The following IGSF21 variants were observed in gnomAD, a reference collection of about 807,000 sequenced individuals.
IGSF21 encodes the protein immunoglobulin superfamily member 21.
IGSF21 carries 28 observed loss-of-function variants against 46.8 expected under a neutral mutation model. The observed-to-expected ratio is 0.60, with a 90% confidence interval of 0.44 to 0.82. The LOEUF (loss-of-function observed/expected upper bound fraction) is 0.82. Among genes scored for constraint, IGSF21 ranks in the 40% least tolerant of loss-of-function variants. The pLI is 0.00. For synonymous variants in IGSF21, 284 were observed against 273.6 expected, an observed-to-expected ratio of 1.04 and a Z score of -0.38; for missense variants, 624 against 665.5, an observed-to-expected ratio of 0.94 and a Z score of 0.69.
At chr1:18,187,296 A>T (rs1348929212) in intron 1 of IGSF21, among the ~76,000 whole-genome samples, 1 of 152,198 alleles carries the variant, frequency 6.6e-6, no homozygotes, top group Non-Finnish European at 1.5e-5. Context: ...TCACAAAGAC[A>T]CTAATCCCAT....
intron 1 of IGSF21, among the ~76,000 whole-genome samples, chr1:18,199,261 AG>A (rs1055892251): frequency 1.6e-4 from 25 of 152,182 alleles, no homozygotes; most frequent in African/African-American, 5.8e-4. Context: ...CTCACCACCC[AG>A]GGGATGTGTT....
At chr1:18,347,364 G>A (rs554717774) in intron 4 of IGSF21, among the ~76,000 whole-genome samples, 5 of 152,174 alleles carry the variant, frequency 3.3e-5, no homozygotes, top group East Asian at 1.9e-4. Flanking sequence ...AGTGAGTGGC[G>A]CTGAGATTGG....
chr1:18,202,486 G>A (rs1303778000), intron 1 of IGSF21, among the ~76,000 whole-genome samples: 1 of 152,180 alleles, frequency 6.6e-6, no homozygotes, highest in Non-Finnish European at 1.5e-5. Context: ...TTGACTCACA[G>A]TTCCTCATGG....
In IGSF21 at chr1:18,334,973, G is replaced by T. The variant is rs749834017; in HGVS notation, c.387G>T (p.Val129=). Residue 129 remains valine, a synonymous_variant, in exon 4 of 10, where the codon GTG becomes GTT. Coordinates refer to ENST00000251296, the MANE Select transcript of IGSF21 (RefSeq NM_032880.5). The surrounding 1 kb of genome is among the most constrained non-coding windows in gnomAD (Gnocchi z 4.3). ...ACGACCGCGCCACCAGGGAGAAGGTGGTCCTGGCATCAGGCAACATCTTCC... is the reference window on the plus strand; with the variant it reads ...ACGACCGCGCCACCAGGGAGAAGGTTGTCCTGGCATCAGGCAACATCTTCC... The part of the protein sequence containing the change: ...GIYDRATREK[V]VLASGNIFLN... 1.2e-6 allele frequency: 2 copies of T among 1,614,172 alleles called. No individual in the cohort carries two copies. The highest frequency in any genetic ancestry group is 8.5e-7 in the Non-Finnish European group (1 of 1,179,990).
In IGSF21 at chr1:18,319,738, G is replaced by A. The variant is rs181508714; in HGVS notation, c.306-15154G>A. Among the ~76,000 whole-genome samples the A allele has an allele frequency of 6.0e-4, 91 of 152,188 alleles. 1 individual carries two copies. The highest frequency in any genetic ancestry group is 3.1e-4 in the Non-Finnish European group (21 of 68,008). ...CTTGTCTCCCCTTTGTCAGGACTTTGCTCCTCAGTGAAGCCTCCCTGACCT... is the reference window on the plus strand; with the variant it reads ...CTTGTCTCCCCTTTGTCAGGACTTTACTCCTCAGTGAAGCCTCCCTGACCT... On this transcript the variant is annotated intron_variant, in intron 3 of 9. Transcript: ENST00000251296.
chr1:18,311,191 T>G (rs2085485109), intron 3 of IGSF21, among the ~76,000 whole-genome samples: 1 of 152,110 alleles, frequency 6.6e-6, no homozygotes, highest in Non-Finnish European at 1.5e-5. Flanking sequence ...GTGCCCCACA[T>G]CCTGTGTGTC....
At chr1:18,158,816 T>C (rs1261003884) in intron 1 of IGSF21, among the ~76,000 whole-genome samples, 1 of 152,136 alleles carries the variant, frequency 6.6e-6, no homozygotes, top group Non-Finnish European at 1.5e-5. Flanking sequence ...TCAGGGAGGT[T>C]ATGTAGTTAG....
chr1:18,262,119 AG>A (rs569862453), intron 2 of IGSF21, among the ~76,000 whole-genome samples: 1 of 152,198 alleles, frequency 6.6e-6, no homozygotes, highest in Non-Finnish European at 1.5e-5. Flanking sequence ...GCAAACTCCC[AG>A]GTGCTACTGA....
intron 1 of IGSF21, among the ~76,000 whole-genome samples, chr1:18,139,594 G>T (rs891696709): frequency 2.6e-5 from 4 of 152,234 alleles, no homozygotes; most frequent in African/African-American, 9.6e-5. Flanking sequence ...TGGCTCAGTG[G>T]TTATGGTCAA....
At chr1:18,189,438 G>T (rs1021178090) in intron 1 of IGSF21, among the ~76,000 whole-genome samples, 1 of 152,114 alleles carries the variant, frequency 6.6e-6, no homozygotes, top group Non-Finnish European at 1.5e-5. Context: ...GGGCAGGGGC[G>T]AAGGTTTCAG....
At chr1:18,189,973 G>C (rs1315600971) in intron 1 of IGSF21, among the ~76,000 whole-genome samples, 1 of 152,200 alleles carries the variant, frequency 6.6e-6, no homozygotes, top group Admixed American at 6.5e-5. Flanking sequence ...GCAGGGGTGA[G>C]AAGTGGGGGC....
intron 1 of IGSF21, among the ~76,000 whole-genome samples, chr1:18,153,437 G>A (rs1225925720): frequency 6.6e-6 from 1 of 152,160 alleles, no homozygotes; most frequent in Non-Finnish European, 1.5e-5. Context: ...TAGCCCCAGG[G>A]AACTCAAAAG....
Position 18,365,276 on chromosome 1 carries a change from A to G in IGSF21, c.594A>G (p.Pro198=). Reference sequence around the variant, plus strand: ...TCGACGCAGTGCCCCTATCAGAGCCACCAGCTGCGAGCTCCGGCCCCCTAC... The same window carrying G: ...TCGACGCAGTGCCCCTATCAGAGCCGCCAGCTGCGAGCTCCGGCCCCCTAC... ...EPIDAVPLSE[P]PAASSGPLQD... is the part of the protein sequence containing the mutation. Residue 198 remains proline, a synonymous_variant, in exon 6 of 10, where the codon CCA becomes CCG. Transcript: ENST00000251296. This position sits in a 1 kb window ranked among gnomAD's most constrained non-coding sequence, Gnocchi z 4.8. The G allele has an allele frequency of 6.2e-7, 1 of 1,613,736 alleles. No individual in the cohort carries two copies. The highest frequency in any genetic ancestry group is 1.3e-5 in the African/African-American group (1 of 75,034).
chr1:18,336,406 T>A (rs1290736469), intron 4 of IGSF21, among the ~76,000 whole-genome samples: 1 of 152,206 alleles, frequency 6.6e-6, no homozygotes, highest in South Asian at 2.1e-4. Context: ...CAAGGGTACG[T>A]GCTAGCATTA....
intron 1 of IGSF21, among the ~76,000 whole-genome samples, chr1:18,209,230 C>T (rs2084364705): frequency 6.6e-6 from 1 of 152,202 alleles, no homozygotes; most frequent in South Asian, 2.1e-4. Context: ...TAGCACTATA[C>T]AGCTATTATC....
intron 2 of IGSF21, among the ~76,000 whole-genome samples, chr1:18,228,456 C>T (rs977738289): frequency 1.3e-5 from 2 of 152,172 alleles, no homozygotes; most frequent in Non-Finnish European, 2.9e-5. Flanking sequence ...AATCTGACTA[C>T]GTATAGGACT....
chr1:18,351,345 T>C (rs2281400), intron 4 of IGSF21, among the ~76,000 whole-genome samples: 42,040 of 152,048 alleles, frequency 0.28, 6,360 homozygotes, highest in Non-Finnish European at 0.34. Flanking sequence ...ATCAGTGGAC[T>C]CAAGGACACA....
At chr1:18,237,551 C>T (rs368500727) in intron 2 of IGSF21, among the ~76,000 whole-genome samples, 3 of 152,202 alleles carry the variant, frequency 2.0e-5, no homozygotes, top group Non-Finnish European at 4.4e-5. Flanking sequence ...TATATTACTT[C>T]ATCTTCTCTT....
Position 18,334,910 on chromosome 1 carries a change from C to T in IGSF21, c.324C>T (p.Ile108=). Residue 108 remains isoleucine, a synonymous_variant, in exon 4 of 10, where the codon ATC becomes ATT. Coordinates refer to ENST00000251296, the MANE Select transcript of IGSF21 (RefSeq NM_032880.5). The surrounding 1 kb of genome is among the most constrained non-coding windows in gnomAD (Gnocchi z 4.3). The part of the protein sequence containing the change: ...QSTVRLPEVR[I]SDNGPYECHV... ...CCCCCAGGCTGCCCGAGGTCCGGATCTCAGACAATGGTCCCTATGAGTGCC... is the reference window on the plus strand; with the variant it reads ...CCCCCAGGCTGCCCGAGGTCCGGATTTCAGACAATGGTCCCTATGAGTGCC... The T allele has an allele frequency of 6.2e-7, 1 of 1,614,066 alleles. No homozygotes were observed. Among genetic ancestry groups the T allele is most frequent in the Non-Finnish European group, 8.5e-7 (1 of 1,179,930 alleles).
Sources: gnomAD v4.1 joint callset for allele counts (sites outside exome capture counted in the v4.1 genomes callset) on GRCh38, gnomAD v4.1.1 for gene constraint, Gnocchi (gnomAD v3.1) non-coding constraint, MANE v1.5 for transcripts, NCBI Gene and HGNC (gene_info 2026-07-23, HGNC 2026-07-21) for gene names.